The following CCDC171 variants were observed in gnomAD, a reference collection of about 807,000 sequenced individuals.
CCDC171 encodes the protein coiled-coil domain-containing protein 171.
CCDC171 carries 177 observed loss-of-function variants against 168.2 expected under a neutral mutation model. The ratio of observed to expected loss-of-function variants is 1.05; its 90% CI spans 0.93 to 1.19. The LOEUF (loss-of-function observed/expected upper bound fraction) is 1.19, where lower values mean the gene tolerates loss of function less well. Among genes scored for constraint, CCDC171 ranks in the 50% most tolerant of loss-of-function variants. The probability of loss-of-function intolerance (pLI) is 0.00; values close to 1 mark genes in which losing one functional copy is unlikely to be tolerated. For synonymous variants in CCDC171, 687 were observed against 540.8 expected, an observed-to-expected ratio of 1.27 and a Z score of -3.75; for missense variants, 1,991 against 1,539.0, an observed-to-expected ratio of 1.29 and a Z score of -4.91.
intron 10 of CCDC171, among the ~76,000 whole-genome samples, chr9:15,680,007 A>T (rs746935256): frequency 6.6e-6 from 1 of 152,086 alleles, no homozygotes; most frequent in African/African-American, 2.4e-5. Context: ...CTGTGATTCT[A>T]TCTTCTCCAC....
chr9:15,634,313 T>A (rs1036676796), intron 7 of CCDC171, among the ~76,000 whole-genome samples: 4 of 152,164 alleles, frequency 2.6e-5, no homozygotes, highest in Admixed American at 2.0e-4. Context: ...AACATTACAA[T>A]CTATAGGTCT....
intron 1 of CCDC171, among the ~76,000 whole-genome samples, chr9:16,047,932 A>G (rs1833687002): frequency 6.6e-6 from 1 of 152,150 alleles, no homozygotes; most frequent in Admixed American, 6.5e-5. Flanking sequence ...ACATCCTCTC[A>G]TTTCTTCATC....
chr9:16,082,665 G>A, the CCDC171 span, among the ~76,000 whole-genome samples: 2 of 152,186 alleles, frequency 1.3e-5, no homozygotes, highest in African/African-American at 2.4e-5. Flanking sequence ...GCATGTGTAT[G>A]TCTAAGTACA....
chr9:15,615,695 C>G lies in CCDC171; in HGVS notation c.676-7572C>G, dbSNP rs116727787. Among the ~76,000 whole-genome samples the G allele has an allele frequency of 1.4e-3, 206 of 151,678 alleles. 1 individual carries two copies. The highest frequency in any genetic ancestry group is 4.8e-3 in the African/African-American group (200 of 41,326). On this transcript the variant is annotated intron_variant, in intron 6 of 25. Coordinates refer to ENST00000380701, the MANE Select transcript of CCDC171 (RefSeq NM_173550.4). ...TAAACTTGGTGGAATAGTGGGCATA[C>G]TCTTTGTTTATTGCAATGGGATTTA...
chr9:15,731,408 T>C (rs1332829506), intron 16 of CCDC171, among the ~76,000 whole-genome samples: 1 of 152,152 alleles, frequency 6.6e-6, no homozygotes, highest in African/African-American at 2.4e-5. Context: ...GCCTGTCATG[T>C]AGATTAGTTT....
chr9:15,580,046 A>T (rs2040988769), intron 4 of CCDC171, among the ~76,000 whole-genome samples: 1 of 152,224 alleles, frequency 6.6e-6, no homozygotes, highest in Non-Finnish European at 1.5e-5. Flanking sequence ...AACAGAACAG[A>T]GTACCCAGAA....
At chr9:15,712,408 C>T (rs878961143) in intron 11 of CCDC171, among the ~76,000 whole-genome samples, 1 of 152,146 alleles carries the variant, frequency 6.6e-6, no homozygotes, top group Non-Finnish European at 1.5e-5. Flanking sequence ...TGGAATCATA[C>T]AGTGTTTGTG....
At chr9:15,902,188 G>A (rs1456983396) in intron 24 of CCDC171, among the ~76,000 whole-genome samples, 1 of 150,976 alleles carries the variant, frequency 6.6e-6, no homozygotes, top group Non-Finnish European at 1.5e-5. Context: ...TAGTTGTTTG[G>A]AAATATTTCC....
chr9:15,638,149 G>C (rs1157157210), intron 7 of CCDC171, among the ~76,000 whole-genome samples: 2 of 152,094 alleles, frequency 1.3e-5, no homozygotes, highest in Non-Finnish European at 2.9e-5. Flanking sequence ...AGCTTTGAAG[G>C]TAGTCTAGAT....
chr9:15,570,217 C>T (rs988363067), intron 2 of CCDC171, among the ~76,000 whole-genome samples: 6 of 152,030 alleles, frequency 3.9e-5, no homozygotes, highest in East Asian at 1.9e-4. Flanking sequence ...GTGATCTGCC[C>T]GCCACAGCCT....
At chr9:16,086,758 T>G in the CCDC171 span, among the ~76,000 whole-genome samples, 1 of 152,312 alleles carries the variant, frequency 6.6e-6, no homozygotes, top group African/African-American at 2.4e-5. Context: ...CTGCTAGCTT[T>G]TGAGTTTGTT....
chr9:15,908,195 C>G (rs1263494594), intron 24 of CCDC171, among the ~76,000 whole-genome samples: 1 of 152,066 alleles, frequency 6.6e-6, no homozygotes, highest in Non-Finnish European at 1.5e-5. Context: ...GCTATAAAGA[C>G]ACATGCACAC....
chr9:15,885,069 T>C (rs1383569227), intron 24 of CCDC171, among the ~76,000 whole-genome samples: 1 of 152,218 alleles, frequency 6.6e-6, no homozygotes, highest in African/African-American at 2.4e-5. Context: ...TCATATAAAG[T>C]AATGCAAACA....
chr9:16,108,824 A>T, the CCDC171 span, among the ~76,000 whole-genome samples: 3 of 152,186 alleles, frequency 2.0e-5, no homozygotes. Context: ...CTGAAGCCTC[A>T]CCAGAAGCTG....
At chr9:15,903,276 C>A (rs561018766) in intron 24 of CCDC171, among the ~76,000 whole-genome samples, 1 of 152,112 alleles carries the variant, frequency 6.6e-6, no homozygotes, top group East Asian at 1.9e-4. Context: ...CTGGGAGGCA[C>A]CCCCCTAGTA....
the CCDC171 span, among the ~76,000 whole-genome samples, chr9:16,080,740 G>T: frequency 6.6e-6 from 1 of 152,012 alleles, no homozygotes; most frequent in Non-Finnish European, 1.5e-5. Flanking sequence ...TTGTCTCTGC[G>T]CCCCTATCTA....
chr9:15,895,180 T>G (rs768891283), intron 24 of CCDC171, among the ~76,000 whole-genome samples: 3 of 152,122 alleles, frequency 2.0e-5, no homozygotes, highest in Non-Finnish European at 2.9e-5. Context: ...ATAATTCCTG[T>G]TTTTCAAGGA....
chr9:16,038,228 G>C (rs960695203), upstream of CCDC171, among the ~76,000 whole-genome samples: 1 of 152,084 alleles, frequency 6.6e-6, no homozygotes, highest in African/African-American at 2.4e-5. Context: ...GTTTTGTTTG[G>C]TTTTGGTCAC....
At chr9:15,700,195 C>G (rs2051600316) in intron 11 of CCDC171, among the ~76,000 whole-genome samples, 1 of 152,226 alleles carries the variant, frequency 6.6e-6, no homozygotes, top group African/African-American at 2.4e-5. Context: ...CACGGGAAGG[C>G]AGCTAAGGCC....
Sources: allele counts gnomAD v4.1 joint callset (sites outside exome capture counted in the v4.1 genomes callset), GRCh38; gene constraint gnomAD v4.1.1; transcripts MANE v1.5; gene names NCBI Gene and HGNC (gene_info 2026-07-23, HGNC 2026-07-21).